The following SCAI variants were observed in gnomAD, a reference collection of about 807,000 sequenced individuals.
SCAI encodes the protein suppressor of cancer cell invasion, also known as protein SCAI.
A neutral mutation model predicts 92.2 loss-of-function variants in SCAI; 24 were observed. That is an observed-to-expected ratio of 0.26 (90% confidence interval 0.19 to 0.37). The LOEUF is 0.37. Ranked by LOEUF, SCAI falls within the 10% of genes least tolerant of loss-of-function variation. The probability of loss-of-function intolerance (pLI) is 1.00; values close to 1 mark genes in which losing one functional copy is unlikely to be tolerated. For synonymous variants in SCAI, 261 were observed against 258.6 expected (o/e 1.01, Z -0.09); for missense variants, 450 against 736.2 (o/e 0.61, Z 4.50).
intron 17 of SCAI, among the ~76,000 whole-genome samples, chr9:124,961,626 G>A (rs1177994749): frequency 6.8e-6 from 1 of 148,060 alleles, no homozygotes; most frequent in Admixed American, 6.9e-5. Context: ...CTCCAGCCTA[G>A]GCAACAGAGC....
Position 125,112,468 on chromosome 9 carries a change from C to T in SCAI, c.98+30165G>A, listed in dbSNP as rs1019329320. On this transcript the variant is annotated intron_variant, in intron 2 of 17. Transcript: ENST00000336505. ...GGGGCAAGTAAACTCTTCTTGTAAC[C>T]GGCCAGATAATAAATATTTTAAGCT... 4.6e-5 allele frequency among the ~76,000 whole-genome samples: 7 copies of T among 152,130 alleles called. 1 individual carries two copies. The highest frequency in any genetic ancestry group is 4.1e-4 in the South Asian group (2 of 4,834).
intron 9 of SCAI, among the ~76,000 whole-genome samples, chr9:125,005,056 G>A (rs1832475452): frequency 6.6e-6 from 1 of 151,476 alleles, no homozygotes; most frequent in Admixed American, 6.6e-5. Flanking sequence ...CCAAAGGGCT[G>A]GGATCACAGG....
intron 14 of SCAI, among the ~76,000 whole-genome samples, chr9:124,993,693 C>T (rs1832181510): frequency 6.6e-6 from 1 of 152,074 alleles, no homozygotes; most frequent in South Asian, 2.1e-4. Context: ...ATGTATGGTG[C>T]ATTGGAAGCT....
intron 2 of SCAI, among the ~76,000 whole-genome samples, chr9:125,101,115 T>C (rs752194759): frequency 3.3e-5 from 5 of 151,848 alleles, no homozygotes; most frequent in Non-Finnish European, 5.9e-5. Flanking sequence ...CAGGCACAGA[T>C]TGATGAGGAG....
intron 2 of SCAI, among the ~76,000 whole-genome samples, chr9:125,089,859 TA>T (rs959471261): frequency 1.3e-5 from 2 of 150,680 alleles, no homozygotes; most frequent in African/African-American, 2.4e-5. Context: ...CTTAGGAAGA[TA>T]AAAAAAAAGA....
intron 17 of SCAI, among the ~76,000 whole-genome samples, chr9:124,958,112 G>A (rs1485583041): frequency 6.6e-6 from 1 of 152,050 alleles, no homozygotes; most frequent in Non-Finnish European, 1.5e-5. Flanking sequence ...AGTAAATGAG[G>A]ATATATACCA....
intron 2 of SCAI, among the ~76,000 whole-genome samples, chr9:125,108,226 G>T (rs957442579): frequency 1.4e-5 from 2 of 147,424 alleles, no homozygotes; most frequent in African/African-American, 4.9e-5. Context: ...CCAAAGTGCC[G>T]AGATTGCAGC....
At chr9:125,095,240 T>C (rs559619800) in intron 2 of SCAI, among the ~76,000 whole-genome samples, 1 of 152,312 alleles carries the variant, frequency 6.6e-6, no homozygotes, top group Non-Finnish European at 1.5e-5. Context: ...GAGCTCCCTG[T>C]GGAGTCAGCT....
At chr9:125,075,065 G>C (rs1834060446) in intron 2 of SCAI, among the ~76,000 whole-genome samples, 1 of 152,008 alleles carries the variant, frequency 6.6e-6, no homozygotes, top group African/African-American at 2.4e-5. Flanking sequence ...ATACAAACAA[G>C]ATGCATGGAA....
chr9:125,077,391 T>C (rs377682000), intron 2 of SCAI, among the ~76,000 whole-genome samples: 5 of 152,242 alleles, frequency 3.3e-5, no homozygotes, highest in Non-Finnish European at 7.3e-5. Flanking sequence ...TTGGCTACTA[T>C]GAATAATACT....
intron 3 of SCAI, among the ~76,000 whole-genome samples, chr9:125,043,099 G>A (rs960615276): frequency 6.6e-6 from 1 of 151,690 alleles, no homozygotes; most frequent in Non-Finnish European, 1.5e-5. Flanking sequence ...AACTCCTGAC[G>A]TCAAGTGATC....
At chr9:125,143,309 C>T in intron 1 of SCAI, 76 bp downstream of exon 1, 33 of 940,912 alleles carry the variant, frequency 3.5e-5, no homozygotes, top group Non-Finnish European at 4.7e-5. Flanking sequence ...GCTCCACCGC[C>T]CCGAGCCGCT....
intron 17 of SCAI, among the ~76,000 whole-genome samples, chr9:124,960,305 T>C (rs1244219723): frequency 6.6e-6 from 1 of 152,178 alleles, no homozygotes; most frequent in Non-Finnish European, 1.5e-5. Context: ...CATAATTCAC[T>C]GTAACATGGA....
intron 3 of SCAI, among the ~76,000 whole-genome samples, chr9:125,050,626 TAC>T (rs1345750697): frequency 6.6e-6 from 1 of 152,078 alleles, no homozygotes; most frequent in Admixed American, 6.6e-5. Flanking sequence ...CAGGCTGGAG[TAC>T]AGTGGCATAA....
At chr9:124,962,659 G>A (rs190055250) in intron 17 of SCAI, among the ~76,000 whole-genome samples, 4 of 152,114 alleles carry the variant, frequency 2.6e-5, no homozygotes, top group African/African-American at 9.6e-5. Flanking sequence ...AACCACAATG[G>A]CAAACCTTGA....
intron 14 of SCAI, among the ~76,000 whole-genome samples, chr9:124,990,648 C>A (rs921467672): frequency 2.6e-5 from 4 of 151,530 alleles, no homozygotes; most frequent in African/African-American, 9.7e-5. Context: ...ACTGAAGAAT[C>A]AAGAATTATC....
chr9:125,073,442 C>T (rs1320905728), intron 2 of SCAI, among the ~76,000 whole-genome samples: 2 of 152,156 alleles, frequency 1.3e-5, no homozygotes, highest in East Asian at 3.9e-4. Flanking sequence ...TATTGTTTTC[C>T]ACAGTGGCTG....
intron 2 of SCAI, among the ~76,000 whole-genome samples, chr9:125,087,173 C>G (rs116337014): frequency 6.6e-6 from 1 of 152,204 alleles, no homozygotes; most frequent in African/African-American, 2.4e-5. Flanking sequence ...ATGTTAACAT[C>G]TGACTTATCT....
chr9:125,062,476 C>T (rs1435252373), intron 2 of SCAI, among the ~76,000 whole-genome samples: 11 of 150,014 alleles, frequency 7.3e-5, no homozygotes, highest in South Asian at 2.1e-4. Context: ...GCAGGCTGGG[C>T]GCAGTGGCTC....
Sources: allele counts gnomAD v4.1 joint callset (sites outside exome capture counted in the v4.1 genomes callset), GRCh38; gene constraint gnomAD v4.1.1; transcripts MANE v1.5; gene names NCBI Gene and HGNC (gene_info 2026-07-23, HGNC 2026-07-21).